Variants in ENTPD1 observed in about 807,000 individuals in gnomAD.
The protein encoded by ENTPD1 is ectonucleoside triphosphate diphosphohydrolase 1.
In ENTPD1, 33 loss-of-function variants were observed where a neutral mutation model predicts 57.0. The ratio of observed to expected loss-of-function variants is 0.58; its 90% confidence interval spans 0.44 to 0.77. The LOEUF is 0.77. Ranked by LOEUF, ENTPD1 falls within the 30% of genes least tolerant of loss-of-function variation. The pLI is 0.00. For missense variants in ENTPD1, 501 were observed against 603.4 expected (o/e 0.83, Z 1.78); for synonymous variants, 202 against 218.8 (o/e 0.92, Z 0.68).
chr10:95,731,781 C>CTTTTTGTTTTTTTTTTTT (rs2097989368), intron 1 of ENTPD1, among the ~76,000 whole-genome samples: 1 of 79,180 alleles, frequency 1.3e-5, no homozygotes, highest in Admixed American at 1.8e-4. Context: ...AGTGGACATC[C>CTTTTTGTTTTTTTTTTTT]TTTTTTTTTT....
In ENTPD1 at chr10:95,800,124, C is replaced by G. The variant is rs189484030; in HGVS notation, c.17-23113C>G. On this transcript the variant is annotated intron_variant, in intron 1 of 9. Coordinates refer to ENST00000371205, the MANE Select transcript of ENTPD1 (RefSeq NM_001776.6). The stretch of plus-strand genomic sequence containing the variant: ...TTTATTTTGCTGTGTATCGGGGGAA[C>G]CAGCCCCCAATATTTCAACATACGT... Among the ~76,000 whole-genome samples the G allele has an allele frequency of 3.5e-3, 525 of 152,154 alleles. 2 individuals carry two copies. The highest frequency in any genetic ancestry group is 6.1e-3 in the Admixed American group (93 of 15,282).
chr10:95,862,897 T>C (rs1229460829), intron 8 of ENTPD1, among the ~76,000 whole-genome samples: 1 of 152,150 alleles, frequency 6.6e-6, no homozygotes, highest in East Asian at 1.9e-4. Flanking sequence ...TCAATGCCCC[T>C]TTATGTGGAG....
At chr10:95,776,461 T>C (rs898716150) in intron 1 of ENTPD1, among the ~76,000 whole-genome samples, 2 of 152,258 alleles carry the variant, frequency 1.3e-5, no homozygotes, top group African/African-American at 2.4e-5. Context: ...ATGTTGAATA[T>C]TGGCCCCCAC....
Position 95,876,476 on chromosome 10 carries a change from T to C in ENTPD1, c.*10093T>C. ...TTGTAATCAATAGCTTAAAAATATG[T>C]CTCTCTGTCCTATTCTGTATCTGTA... On this transcript the variant is annotated 3_prime_UTR_variant, in exon 10 of 10. Coordinates refer to ENST00000371205, the MANE Select transcript of ENTPD1 (RefSeq NM_001776.6). 2 of 1,231,450 alleles carry C rather than the reference T, an allele frequency of 1.6e-6. No individual in the cohort carries two copies. Among genetic ancestry groups the C allele is most frequent in the Non-Finnish European group, 2.0e-6 (2 of 987,806 alleles). The allele number at this position is 1,231,450 out of a possible 1,614,324, so 76.3% of individuals were successfully genotyped here.
Position 95,871,848 on chromosome 10 carries a change from T to A in ENTPD1, c.*5465T>A. 1.0e-6 allele frequency: 1 copy of A among 985,418 alleles called. No homozygotes were observed. Among genetic ancestry groups the A allele is most frequent in the Non-Finnish European group, 1.2e-6 (1 of 829,928 alleles). The allele number at this position is 985,418 out of a possible 1,614,324, so 61.0% of individuals were successfully genotyped here. ...TTAGTCAATGGTAAGTAAGATACTC[T>A]CATCTAAGAAATAACATCACCTCTT... On this transcript the variant is annotated 3_prime_UTR_variant, in exon 10 of 10. Coordinates refer to ENST00000371205, the MANE Select transcript of ENTPD1 (RefSeq NM_001776.6).
At chr10:95,806,904 C>T (rs570903330) in intron 1 of ENTPD1, among the ~76,000 whole-genome samples, 1 of 152,268 alleles carries the variant, frequency 6.6e-6, no homozygotes, top group African/African-American at 2.4e-5. Context: ...GGGGACCCGC[C>T]TATATGAGGT....
chr10:95,796,493 C>T (rs1052412392), intron 1 of ENTPD1, among the ~76,000 whole-genome samples: 1 of 152,044 alleles, frequency 6.6e-6, no homozygotes, highest in African/African-American at 2.4e-5. Context: ...GAACATTTTA[C>T]TATAAGGCAG....
At chr10:95,769,529 C>G (rs1486086425) in intron 1 of ENTPD1, among the ~76,000 whole-genome samples, 2 of 152,216 alleles carry the variant, frequency 1.3e-5, no homozygotes, top group Non-Finnish European at 2.9e-5. Flanking sequence ...TGTCTAGCAT[C>G]CTGCAGGCCA....
chr10:95,726,414 C>A (rs1173081010), intron 1 of ENTPD1, among the ~76,000 whole-genome samples: 1 of 152,088 alleles, frequency 6.6e-6, no homozygotes, highest in Admixed American at 6.6e-5. Context: ...TTTAACATTT[C>A]TTTTCTGCAT....
chr10:95,774,847 G>T (rs2098127914), intron 1 of ENTPD1, among the ~76,000 whole-genome samples: 1 of 152,198 alleles, frequency 6.6e-6, no homozygotes, highest in Non-Finnish European at 1.5e-5. Context: ...CTTTAAAGTA[G>T]TTTTTTCCAA....
intron 1 of ENTPD1, among the ~76,000 whole-genome samples, chr10:95,726,737 G>T (rs2097984045): frequency 6.6e-6 from 1 of 152,106 alleles, no homozygotes; most frequent in African/African-American, 2.4e-5. Flanking sequence ...TTTGATGATT[G>T]ATGTGTTTTG....
In ENTPD1 at chr10:95,866,411, A is replaced by C; in HGVS notation, c.*28A>C. ...AAAGCAGCTGAAATATGCTGGCTGG[A>C]GTGAGGAAAAAAATCGTCCAGGGAG... On this transcript the variant is annotated 3_prime_UTR_variant, in exon 10 of 10. Transcript: ENST00000371205. The C allele has an allele frequency of 6.2e-7, 1 of 1,613,522 alleles. No individual in the cohort carries two copies. Among genetic ancestry groups the C allele is most frequent in the Non-Finnish European group, 8.5e-7 (1 of 1,179,772 alleles).
chr10:95,825,434 C>T (rs988583329), intron 2 of ENTPD1, among the ~76,000 whole-genome samples: 1 of 152,224 alleles, frequency 6.6e-6, no homozygotes, highest in Admixed American at 6.5e-5. Context: ...ATATCATGGG[C>T]TACTAAACTG....
At chr10:95,859,357 C>T (rs2098461339) in intron 7 of ENTPD1, among the ~76,000 whole-genome samples, 1 of 152,202 alleles carries the variant, frequency 6.6e-6, no homozygotes, top group Admixed American at 6.5e-5. Flanking sequence ...GCGAATTACA[C>T]TTTGGGAATC....
In ENTPD1 at chr10:95,874,535, G is replaced by C. The variant is rs1470887167; in HGVS notation, c.*8152G>C. Among the ~76,000 whole-genome samples, 1 of 152,220 alleles carries C rather than the reference G, an allele frequency of 6.6e-6. No individual in the cohort carries two copies. The highest frequency in any genetic ancestry group is 1.5e-5 in the Non-Finnish European group (1 of 68,042). ...TCTGTAGCTTTTCCAGGCACAAGAT[G>C]CAAGTTGGTGGTTGATCTACCATTC... On this transcript the variant is annotated 3_prime_UTR_variant, in exon 10 of 10. Coordinates refer to ENST00000371205, the MANE Select transcript of ENTPD1 (RefSeq NM_001776.6).
rs1006585645 is a variant in ENTPD1, at chr10:95,860,598, C to G, written c.1188+16C>G. On this transcript the variant is annotated intron_variant, in intron 8 of 9. Coordinates refer to ENST00000371205, the MANE Select transcript of ENTPD1 (RefSeq NM_001776.6). ...TTGGGAGGAGGTAAGTGACTAGGCACAGCAGCTCTAACAGCATGAGTGCCC... is the reference window on the plus strand; with the variant it reads ...TTGGGAGGAGGTAAGTGACTAGGCAGAGCAGCTCTAACAGCATGAGTGCCC... 6.2e-7 allele frequency: 1 copy of G among 1,604,904 alleles called. No homozygotes were observed. Among genetic ancestry groups the G allele is most frequent in the Middle Eastern group, 1.7e-4 (1 of 6,030 alleles).
intron 1 of ENTPD1, among the ~76,000 whole-genome samples, chr10:95,767,988 T>C (rs2098097042): frequency 6.6e-6 from 1 of 152,246 alleles, no homozygotes; most frequent in African/African-American, 2.4e-5. Flanking sequence ...CTTGCTCTTA[T>C]GCTCTCTTGC....
Position 95,868,437 on chromosome 10 carries a change from T to C in ENTPD1, c.*2054T>C. ...CTGGCATATGATGCTAATCAGTGGT[T>C]CCCATACCCCTGGCTTCCTAATTTT... On this transcript the variant is annotated 3_prime_UTR_variant, in exon 10 of 10. Coordinates refer to ENST00000371205, the MANE Select transcript of ENTPD1 (RefSeq NM_001776.6). 1 of 985,398 alleles carries C rather than the reference T, an allele frequency of 1.0e-6. No homozygotes were observed. Among genetic ancestry groups the C allele is most frequent in the Non-Finnish European group, 1.2e-6 (1 of 829,924 alleles). The allele number at this position is 985,398 out of a possible 1,614,324, so 61.0% of individuals were successfully genotyped here.
At position 95,867,604 on chromosome 10, in the gene ENTPD1, G is replaced by A; in HGVS notation, c.*1221G>A. 1.0e-6 allele frequency: 1 copy of A among 985,412 alleles called. No individual in the cohort carries two copies. The highest frequency in any genetic ancestry group is 4.7e-5 in the South Asian group (1 of 21,280). 61.0% of individuals were successfully genotyped at this position (985,412 alleles called of 1,614,324 possible). On this transcript the variant is annotated 3_prime_UTR_variant, in exon 10 of 10. Transcript: ENST00000371205. ...GTGTTGCCACCCGTCACACAACATG[G>A]GCTTTGTTTGCTTATTCCATGAAGC...
Sources: allele counts gnomAD v4.1 joint callset (sites outside exome capture counted in the v4.1 genomes callset), GRCh38; gene constraint gnomAD v4.1.1; transcripts MANE v1.5; gene names NCBI Gene and HGNC (gene_info 2026-07-23, HGNC 2026-07-21).